FAM240C: variants seen among roughly 807,000 people sequenced by gnomAD.
The protein encoded by FAM240C is family with sequence similarity 240 member C.
Under a neutral mutation model 10.0 loss-of-function variants are expected in FAM240C, and 14 were observed. The observed-to-expected ratio is 1.40, with a 90% CI of 0.92 to 2.19. The LOEUF (loss-of-function observed/expected upper bound fraction) is 2.19, where lower values mean the gene tolerates loss of function less well. Among genes scored for constraint, FAM240C ranks in the 30% most tolerant of loss-of-function variants. FAM240C has a pLI of 0.00. For missense variants in FAM240C, 154 were observed against 122.3 expected, an observed-to-expected ratio of 1.26 and a Z score of -1.22; for synonymous variants, 49 against 44.3, an observed-to-expected ratio of 1.11 and a Z score of -0.42.
upstream of FAM240C, among the ~76,000 whole-genome samples, chr2:241,901,503 T>C (rs1218441193): frequency 1.3e-5 from 2 of 152,122 alleles, no homozygotes; most frequent in Non-Finnish European, 2.9e-5. This position sits in a 1 kb window ranked among gnomAD's most constrained non-coding sequence, Gnocchi z 4.9. Flanking sequence ...TGGAGTTCTG[T>C]GGGTGTCATC....
Position 241,894,087 on chromosome 2 carries a change from C to T in FAM240C, c.*126G>A, listed in dbSNP as rs1227581303. 25 of 1,132,170 alleles carry T rather than the reference C, an allele frequency of 2.2e-5. No individual in the cohort carries two copies. The highest frequency in any genetic ancestry group is 6.7e-5 in the South Asian group (4 of 59,766). The allele number at this position is 1,132,170 out of a possible 1,614,324, so 70.1% of individuals were successfully genotyped here. A position where few individuals can be genotyped will look rare whatever the true frequency, so the allele number is the denominator to read the frequency against. The stretch of plus-strand genomic sequence containing the variant: ...CGAGGTGGGATTATTACGGGGTCAG[C>T]GAGGTGCGGGCCATTTCCATGATGA... On this transcript the variant is annotated 3_prime_UTR_variant, in exon 3 of 3. Transcript: ENST00000404031.
At chr2:241,897,631 C>T (rs1190669434) in intron 1 of FAM240C, among the ~76,000 whole-genome samples, 4 of 152,208 alleles carry the variant, frequency 2.6e-5, no homozygotes, top group Non-Finnish European at 5.9e-5. Context: ...AAAATCTAAG[C>T]AATGATGCAC....
chr2:241,897,797 C>T lies in FAM240C; in HGVS notation c.13-463G>A, dbSNP rs1203200489. ...TCACCCAGGCTGCAATGCAGTGGTG[C>T]GATCTCCCCTCACTGCAGCCTTGAC... On this transcript the variant is annotated intron_variant, in intron 1 of 2. Transcript: ENST00000404031. 3.3e-5 allele frequency among the ~76,000 whole-genome samples: 5 copies of T among 152,170 alleles called. 1 individual carries two copies. The highest frequency in any genetic ancestry group is 4.1e-4 in the South Asian group (2 of 4,832).
At position 241,896,588 on chromosome 2, in the gene FAM240C, GGGGTGTGGGTGAA is replaced by G. The variant is rs1559468367; in HGVS notation, c.161+585_161+597del. ...GTGTGGGTGTGGGGGTGTGGGTGTT[GGGGTGTGGGTGAA>G]GGGGTGTGGGTGTGGGGGTGTGGGT... On this transcript the variant is annotated intron_variant, in intron 2 of 2. Coordinates refer to ENST00000404031, the MANE Select transcript of FAM240C (RefSeq NM_001382368.1). 1.4e-4 allele frequency among the ~76,000 whole-genome samples: 18 copies of G among 128,392 alleles called. 1 individual carries two copies. The highest frequency in any genetic ancestry group is 2.4e-4 in the Non-Finnish European group (14 of 57,652). 84.2% of individuals were successfully genotyped at this position (128,392 alleles called of 152,430 possible).
intron 2 of FAM240C, among the ~76,000 whole-genome samples, chr2:241,895,967 G>GT (rs1343392878): frequency 6.6e-6 from 1 of 152,030 alleles, no homozygotes; most frequent in African/African-American, 2.4e-5. Flanking sequence ...CGGTGGTGGG[G>GT]GGGGGCCTCT....
chr2:241,899,577 G>A (rs1168669048), intron 1 of FAM240C, among the ~76,000 whole-genome samples: 3 of 152,234 alleles, frequency 2.0e-5, no homozygotes, highest in African/African-American at 7.2e-5. Context: ...GCTGGTGTCA[G>A]ATTCAAACCG....
At position 241,895,925 on chromosome 2, in the gene FAM240C, G is replaced by A. The variant is rs1034887481; in HGVS notation, c.161+1261C>T. 4.6e-5 allele frequency among the ~76,000 whole-genome samples: 7 copies of A among 151,374 alleles called. No individual in the cohort carries two copies. The South Asian group carries it at 8.4e-4, about 18-fold the overall frequency. On this transcript the variant is annotated intron_variant, in intron 2 of 2. Coordinates refer to ENST00000404031, the MANE Select transcript of FAM240C (RefSeq NM_001382368.1). ...GGCACACGTCCAGGAAGCACAGGGC[G>A]GGGATGAGGCAGGGCCCGTGGGGCA...
chr2:241,896,257 C>A (rs1475334267), intron 2 of FAM240C, among the ~76,000 whole-genome samples: 1 of 152,186 alleles, frequency 6.6e-6, no homozygotes, highest in Non-Finnish European at 1.5e-5. Context: ...CCTGGGTCGG[C>A]TCAGGGTCAC....
chr2:241,899,130 A>G, intron 1 of FAM240C: 2 of 1,303,992 alleles, frequency 1.5e-6, no homozygotes, highest in East Asian at 5.6e-5. Flanking sequence ...TCAGGTGGAG[A>G]GGGTAAGGGT....
upstream of FAM240C, among the ~76,000 whole-genome samples, chr2:241,902,067 G>T (rs76445379): frequency 0.12 from 18,564 of 152,172 alleles, 1,692 homozygotes; most frequent in African/African-American, 0.26. The surrounding 1 kb of genome is among the most constrained non-coding windows in gnomAD (Gnocchi z 7.1). Context: ...GGTCAAGTGT[G>T]CACTATCTGC....
chr2:241,896,796 T>G (rs1009087911), intron 2 of FAM240C, among the ~76,000 whole-genome samples: 25 of 6,222 alleles, frequency 4.0e-3, no homozygotes, highest in African/African-American at 5.0e-3. Flanking sequence ...GGGGTGTGGG[T>G]GTTGGGGTGT....
At chr2:241,894,852 G>A (rs1323132548) in intron 2 of FAM240C, among the ~76,000 whole-genome samples, 3 of 152,082 alleles carry the variant, frequency 2.0e-5, no homozygotes, top group Admixed American at 2.0e-4. Context: ...TTGCCTGCCC[G>A]CCTCACCTGC....
At chr2:241,898,370 G>A (rs1701902161) in intron 1 of FAM240C, among the ~76,000 whole-genome samples, 1 of 152,090 alleles carries the variant, frequency 6.6e-6, no homozygotes, top group African/African-American at 2.4e-5. Context: ...TGGCCAACAT[G>A]GTGAAACCCT....
chr2:241,900,580 G>C, upstream of FAM240C: 1 of 574,196 alleles, frequency 1.7e-6, no homozygotes. This position sits in a 1 kb window ranked among gnomAD's most constrained non-coding sequence, Gnocchi z 4.5. Flanking sequence ...GCTGTTGGCA[G>C]CATGGGAATC....
At chr2:241,902,321 G>A (rs1379034098), upstream of FAM240C, among the ~76,000 whole-genome samples, 1 of 108,062 alleles carries the variant, frequency 9.3e-6, no homozygotes, top group East Asian at 2.3e-4. This position sits in a 1 kb window ranked among gnomAD's most constrained non-coding sequence, Gnocchi z 7.1. Context: ...CCCGCCTGCC[G>A]CCTCCCCTCC....
At chr2:241,900,968 T>G (rs947111610), upstream of FAM240C, among the ~76,000 whole-genome samples, 2 of 152,022 alleles carry the variant, frequency 1.3e-5, no homozygotes, top group African/African-American at 2.4e-5. This position sits in a 1 kb window ranked among gnomAD's most constrained non-coding sequence, Gnocchi z 4.5. Flanking sequence ...GCCTGCGGTG[T>G]CAGTCAACCC....
intron 1 of FAM240C, among the ~76,000 whole-genome samples, chr2:241,899,928 G>A (rs1279978771): frequency 3.3e-5 from 5 of 152,134 alleles, no homozygotes; most frequent in Admixed American, 6.5e-5. Flanking sequence ...TTAGCCGGGC[G>A]TCGTGGTGGG....
At position 241,900,381 on chromosome 2, in the gene FAM240C, G is replaced by A. The variant is rs181398725; in HGVS notation, c.-12C>T. ...ACTTTTCCAACCATTTCTCAGTGAC[G>A]GGCAGGTTTTCCTGTCTCTGTTGAG... On this transcript the variant is annotated 5_prime_UTR_variant, in exon 1 of 3. Transcript: ENST00000404031. The surrounding 1 kb of genome is among the most constrained non-coding windows in gnomAD (Gnocchi z 4.5). 2.2e-4 allele frequency: 156 copies of A among 717,172 alleles called. No homozygotes were observed. The highest frequency in any genetic ancestry group is 3.4e-4 in the Admixed American group (17 of 50,006). 44.4% of individuals were successfully genotyped at this position (717,172 alleles called of 1,614,324 possible).
At chr2:241,901,615 C>T (rs900535104), upstream of FAM240C, among the ~76,000 whole-genome samples, 3 of 152,128 alleles carry the variant, frequency 2.0e-5, no homozygotes, top group African/African-American at 7.2e-5. The surrounding 1 kb of genome is among the most constrained non-coding windows in gnomAD (Gnocchi z 4.9). Flanking sequence ...CAGGACGCGC[C>T]GGGACATGCC....
Sources: allele counts gnomAD v4.1 joint callset (sites outside exome capture counted in the v4.1 genomes callset), GRCh38; gene constraint gnomAD v4.1.1; non-coding constraint Gnocchi (gnomAD v3.1); transcripts MANE v1.5; gene names NCBI Gene and HGNC (gene_info 2026-07-23, HGNC 2026-07-21).